Variants in TENT5D observed in about 807,000 individuals in gnomAD.
The protein encoded by TENT5D is cancer/testis antigen 112.
For missense variants in TENT5D, 191 were observed against 287.0 expected, an observed-to-expected ratio of 0.67 and a Z score of 2.42; for synonymous variants, 103 against 100.6, an observed-to-expected ratio of 1.02 and a Z score of -0.15.
At chrX:80,369,768 A>G (rs1388922123) in intron 3 of TENT5D, among the ~76,000 whole-genome samples, 1 of 111,882 alleles carries the variant, frequency 8.9e-6, no homozygotes, top group Admixed American at 9.6e-5. Flanking sequence ...CATAGGTCCC[A>G]TTTGTCTTAT....
upstream of TENT5D, among the ~76,000 whole-genome samples, chrX:80,419,388 T>C (rs1350049724): frequency 1.8e-5 from 2 of 112,017 alleles, no homozygotes; most frequent in Non-Finnish European, 3.8e-5. Flanking sequence ...CAGGAAAACA[T>C]TGAGTAGGTA....
chrX:80,415,965 T>G (rs1931764222), upstream of TENT5D, among the ~76,000 whole-genome samples: 1 of 111,902 alleles, frequency 8.9e-6, no homozygotes, highest in Middle Eastern at 4.2e-3. Context: ...TGATTTGATT[T>G]TAGAACTCAT....
intron 3 of TENT5D, among the ~76,000 whole-genome samples, chrX:80,363,562 T>C (rs1930449416): frequency 8.9e-6 from 1 of 112,435 alleles, no homozygotes; most frequent in African/African-American, 3.2e-5. Context: ...TGATTAACTA[T>C]ATCATCCAGT....
exon 3 of TENT5D, chrX:80,443,560 A>G (rs1200263892): frequency 8.3e-7 from 1 of 1,210,863 alleles, no homozygotes; most frequent in Middle Eastern, 2.3e-4. Flanking sequence ...TATTCTACCC[A>G]ATACACAAAA....
intron 3 of TENT5D, among the ~76,000 whole-genome samples, chrX:80,382,290 G>C (rs1433883204): frequency 1.8e-5 from 2 of 112,065 alleles, no homozygotes; most frequent in African/African-American, 6.5e-5. Flanking sequence ...AACAGAGGCT[G>C]CAGAATAGCA....
At chrX:80,342,150 TA>T (rs778129681) in intron 2 of TENT5D, among the ~76,000 whole-genome samples, 4 of 111,895 alleles carry the variant, frequency 3.6e-5, no homozygotes, top group East Asian at 5.6e-4. Context: ...GAATTTATTT[TA>T]AAAAAAGGAA....
chrX:80,424,812 G>A (rs186152878), intron 1 of TENT5D, among the ~76,000 whole-genome samples: 46 of 112,766 alleles, frequency 4.1e-4, no homozygotes, highest in African/African-American at 1.3e-3. Context: ...GATGGGCTTT[G>A]ATGGAACTCT....
At chrX:80,368,710 A>G (rs1930558970) in intron 3 of TENT5D, among the ~76,000 whole-genome samples, 1 of 112,104 alleles carries the variant, frequency 8.9e-6, no homozygotes, top group South Asian at 3.7e-4. Flanking sequence ...AATGCCTTAT[A>G]CAAATGTACA....
At chrX:80,366,208 AGTGTGT>A (rs3087109) in intron 3 of TENT5D, among the ~76,000 whole-genome samples, 4 of 98,460 alleles carry the variant, frequency 4.1e-5, no homozygotes, top group African/African-American at 7.4e-5. Context: ...GAAGACAGGG[AGTGTGT>A]GTGTGTGTGT....
At chrX:80,398,591 T>A (rs1931333071) in intron 3 of TENT5D, among the ~76,000 whole-genome samples, 3 of 110,588 alleles carry the variant, frequency 2.7e-5, no homozygotes, top group Admixed American at 9.7e-5. Flanking sequence ...TTATGTAGGG[T>A]AAGGAGCAGT....
intron 3 of TENT5D, among the ~76,000 whole-genome samples, chrX:80,379,614 T>C (rs1418192357): frequency 9.0e-6 from 1 of 111,580 alleles, no homozygotes; most frequent in Non-Finnish European, 1.9e-5. Context: ...GGTACGCTAT[T>C]AATTATTGCC....
At chrX:80,427,756 G>C (rs1452320490) in intron 1 of TENT5D, among the ~76,000 whole-genome samples, 2 of 111,658 alleles carry the variant, frequency 1.8e-5, no homozygotes, top group African/African-American at 6.5e-5. Context: ...GATTTTGAGA[G>C]GTATTTATTT....
At chrX:80,405,697 A>G (rs1931474241) in intron 3 of TENT5D, among the ~76,000 whole-genome samples, 1 of 108,141 alleles carries the variant, frequency 9.2e-6, no homozygotes, top group Non-Finnish European at 1.9e-5. Context: ...ACCATTGCCC[A>G]GGCTTGCTTA....
intron 3 of TENT5D, among the ~76,000 whole-genome samples, chrX:80,346,666 T>C (rs1353817314): frequency 8.9e-6 from 1 of 111,927 alleles, no homozygotes; most frequent in Non-Finnish European, 1.9e-5. Context: ...TTTTGTTTAT[T>C]TTTTTGTTTT....
At chrX:80,436,800 A>C (rs1283844075) in intron 1 of TENT5D, among the ~76,000 whole-genome samples, 1 of 111,579 alleles carries the variant, frequency 9.0e-6, no homozygotes. Context: ...TTATTGATAC[A>C]ATAAGGACTA....
chrX:80,346,137 G>T (rs1200142491), intron 3 of TENT5D, among the ~76,000 whole-genome samples: 1 of 111,905 alleles, frequency 8.9e-6, no homozygotes. Flanking sequence ...AATGTTATGT[G>T]ACTGGCTTCT....
At position 80,396,986 on chromosome X, in the gene TENT5D, G is replaced by A. The variant is rs1400466426; in HGVS notation, c.-141-41624G>A. On this transcript the variant is annotated intron_variant, in intron 3 of 4. Coordinates refer to the TENT5D transcript ENST00000538312. ...TTCCCAGTAGGGGCGGCTGGGCAGA[G>A]GCGCCCCTCACCTCCCGGACGGGGC... is the stretch of plus-strand genomic sequence containing the variant. 4.7e-4 allele frequency among the ~76,000 whole-genome samples: 43 copies of A among 91,834 alleles called. 2 individuals are homozygous for A. Among genetic ancestry groups the A allele is most frequent in the Non-Finnish European group, 4.4e-5 (2 of 45,670 alleles). The allele number at this position is 91,834 out of a possible 115,157, so 79.7% of individuals were successfully genotyped here.
chrX:80,363,259 A>G (rs1434383105), intron 3 of TENT5D, among the ~76,000 whole-genome samples: 1 of 111,972 alleles, frequency 8.9e-6, no homozygotes, highest in East Asian at 2.8e-4. Context: ...TTGATAATAA[A>G]CCAATTACTG....
intron 1 of TENT5D, among the ~76,000 whole-genome samples, chrX:80,435,996 A>G (rs1391943334): frequency 8.9e-6 from 1 of 112,029 alleles, no homozygotes; most frequent in African/African-American, 3.2e-5. Flanking sequence ...GCAACTAGGA[A>G]TCTTCATTTA....
Sources: allele counts gnomAD v4.1 joint callset (sites outside exome capture counted in the v4.1 genomes callset), GRCh38; gene constraint gnomAD v4.1.1; transcripts MANE v1.5; gene names NCBI Gene and HGNC (gene_info 2026-07-23, HGNC 2026-07-21).